SLC14A2: variants seen among roughly 807,000 people sequenced by gnomAD.
SLC14A2 encodes the protein solute carrier family 14 member 2.
In SLC14A2, 91 loss-of-function variants were observed where a neutral mutation model predicts 104.6. The ratio of observed to expected loss-of-function variants is 0.87; its 90% CI spans 0.73 to 1.04. The LOEUF (loss-of-function observed/expected upper bound fraction) is 1.04. Ranked by LOEUF, SLC14A2 falls within the 50% of genes least tolerant of loss-of-function variation. The pLI, the probability that SLC14A2 is intolerant of heterozygous loss-of-function variation, is 0.00. For missense variants in SLC14A2, 1,189 were observed against 1,156.0 expected (o/e 1.03, Z -0.41); for synonymous variants, 476 against 466.4 (o/e 1.02, Z -0.27).
Position 45,364,213 on chromosome 18 carries a change from G to A in SLC14A2, c.-124-119020G>A, listed in dbSNP as rs143058321. Among the ~76,000 whole-genome samples, 32 of 152,148 alleles carry A rather than the reference G, an allele frequency of 2.1e-4. No homozygotes were observed. The East Asian group carries it at 6.2e-3, about 29-fold the overall frequency. ...CTGCTCTAGATGGCTGCTTGCAGGG[G>A]GTCATAGATTACATCATATACTTCT... is the stretch of plus-strand genomic sequence containing the variant. On this transcript the variant is annotated intron_variant, in intron 1 of 20. Transcript: ENST00000586448.
intron 1 of SLC14A2, among the ~76,000 whole-genome samples, chr18:45,330,467 T>A (rs1347629781): frequency 6.6e-6 from 1 of 152,218 alleles, no homozygotes; most frequent in Non-Finnish European, 1.5e-5. Flanking sequence ...GTGATGATGG[T>A]GCATGGTTGC....
intron 1 of SLC14A2, among the ~76,000 whole-genome samples, chr18:45,240,313 T>A (rs930566156): frequency 2.0e-5 from 3 of 151,912 alleles, no homozygotes; most frequent in Non-Finnish European, 4.4e-5. Context: ...GACAGGATGG[T>A]CTTGATCTCC....
At chr18:45,305,656 C>T (rs567025091) in intron 1 of SLC14A2, among the ~76,000 whole-genome samples, 19 of 152,318 alleles carry the variant, frequency 1.2e-4, no homozygotes, top group Admixed American at 5.2e-4. Flanking sequence ...AAGTCACTAG[C>T]GCACAGCTTC....
chr18:45,643,588 A>G (rs542484446), intron 9 of SLC14A2, among the ~76,000 whole-genome samples: 1 of 152,308 alleles, frequency 6.6e-6, no homozygotes, highest in South Asian at 2.1e-4. Context: ...GCTGGAATGC[A>G]GTAGTGCAAT....
chr18:45,593,737 C>A (rs548998192), intron 2 of SLC14A2, among the ~76,000 whole-genome samples: 14 of 152,214 alleles, frequency 9.2e-5, no homozygotes, highest in African/African-American at 3.1e-4. Flanking sequence ...GATCCGTCCA[C>A]CTCGGCCTCC....
chr18:45,536,981 A>G (rs755118306), intron 2 of SLC14A2, among the ~76,000 whole-genome samples: 6 of 145,664 alleles, frequency 4.1e-5, no homozygotes, highest in Non-Finnish European at 7.4e-5. Context: ...TTCAGACCAC[A>G]GTGCAAGAGC....
At chr18:45,605,063 T>C (rs1316092690) in intron 2 of SLC14A2, among the ~76,000 whole-genome samples, 1 of 152,174 alleles carries the variant, frequency 6.6e-6, no homozygotes, top group Non-Finnish European at 1.5e-5. Context: ...ATCATCATAA[T>C]ACAATATTGA....
intron 1 of SLC14A2, among the ~76,000 whole-genome samples, chr18:45,622,520 G>A (rs2045189742): frequency 6.6e-6 from 1 of 152,152 alleles, no homozygotes; most frequent in Non-Finnish European, 1.5e-5. Flanking sequence ...GGAAATGTGA[G>A]TTTTGAGGGT....
intron 1 of SLC14A2, among the ~76,000 whole-genome samples, chr18:45,218,240 C>T (rs2084028342): frequency 6.6e-6 from 1 of 152,118 alleles, no homozygotes; most frequent in African/African-American, 2.4e-5. Context: ...TTCTAAGTAC[C>T]TTATATAAGT....
At chr18:45,681,044 GTTTTTTTTTT>G (rs1166136830) in intron 19 of SLC14A2, among the ~76,000 whole-genome samples, 3 of 5,374 alleles carry the variant, frequency 5.6e-4, no homozygotes, top group African/African-American at 6.2e-4. Context: ...AGTATCTGAG[GTTTTTTTTTT>G]TTTTTTTTTT....
chr18:45,199,319 C>G, the SLC14A2 span, among the ~76,000 whole-genome samples: 2 of 151,862 alleles, frequency 1.3e-5, no homozygotes, highest in Non-Finnish European at 2.9e-5. Context: ...TCTTTTAGAC[C>G]CTCTTCCCAA....
At chr18:45,667,738 C>A (rs2046051173) in intron 13 of SLC14A2, 95 bp from the exon 14 acceptor site, 2 of 1,003,788 alleles carry the variant, frequency 2.0e-6, no homozygotes, top group Non-Finnish European at 3.1e-6. Flanking sequence ...TGCAAACCCA[C>A]TTCGGATATC....
At chr18:45,618,146 C>T (rs1392383515) in intron 1 of SLC14A2, among the ~76,000 whole-genome samples, 1 of 152,086 alleles carries the variant, frequency 6.6e-6, no homozygotes, top group Non-Finnish European at 1.5e-5. Context: ...GGAAAGGGAC[C>T]CCAGCCAGGA....
intron 2 of SLC14A2, among the ~76,000 whole-genome samples, chr18:45,593,092 C>T (rs981122451): frequency 4.6e-5 from 7 of 152,050 alleles, no homozygotes; most frequent in Non-Finnish European, 7.4e-5. Context: ...CCGAGGCAGG[C>T]GGATCATGAG....
At chr18:45,589,658 CGCTGAGCCGCCTCCA>C (rs1041238330) in intron 2 of SLC14A2, among the ~76,000 whole-genome samples, 2 of 152,254 alleles carry the variant, frequency 1.3e-5, no homozygotes, top group African/African-American at 4.8e-5. Context: ...TTCAGCCTCC[CGCTGAGCCGCCTCCA>C]GCTGCGAGTG....
At chr18:45,385,031 G>A (rs1014980329) in intron 1 of SLC14A2, among the ~76,000 whole-genome samples, 42 of 152,166 alleles carry the variant, frequency 2.8e-4, no homozygotes, top group Non-Finnish European at 1.0e-4. Flanking sequence ...GTTGGATGTC[G>A]GGAGAACATC....
intron 2 of SLC14A2, among the ~76,000 whole-genome samples, chr18:45,489,574 T>C (rs749761784): frequency 5.9e-5 from 9 of 152,022 alleles, no homozygotes; most frequent in African/African-American, 9.7e-5. Context: ...TTCTTAAAGG[T>C]GAAGAAATTG....
intron 1 of SLC14A2, among the ~76,000 whole-genome samples, chr18:45,243,246 G>A (rs573593507): frequency 2.6e-5 from 4 of 152,326 alleles, no homozygotes; most frequent in East Asian, 3.9e-4. Context: ...TAATAGTCAC[G>A]ATTATTATTG....
At chr18:45,391,457 G>T (rs1181721849) in intron 1 of SLC14A2, among the ~76,000 whole-genome samples, 2 of 152,120 alleles carry the variant, frequency 1.3e-5, no homozygotes, top group South Asian at 4.1e-4. Flanking sequence ...GGGATGGCTG[G>T]GTCAAATGGT....
Sources: gnomAD v4.1 joint callset for allele counts (sites outside exome capture counted in the v4.1 genomes callset) on GRCh38, gnomAD v4.1.1 for gene constraint, MANE v1.5 for transcripts, NCBI Gene and HGNC (gene_info 2026-07-23, HGNC 2026-07-21) for gene names.